The following HS6ST3 variants were observed in gnomAD, a reference collection of about 807,000 sequenced individuals.
HS6ST3 encodes heparan-sulfate 6-O-sulfotransferase 3.
A neutral mutation model predicts 36.7 loss-of-function variants in HS6ST3; 12 were observed. The observed-to-expected ratio is 0.33, with a 90% CI of 0.21 to 0.53. The LOEUF (loss-of-function observed/expected upper bound fraction) is 0.53. Ranked by LOEUF, HS6ST3 falls within the 20% of genes least tolerant of loss-of-function variation. HS6ST3 has a pLI of 0.95. For missense variants in HS6ST3, 584 were observed against 640.9 expected (o/e 0.91, Z 0.96); for synonymous variants, 240 against 257.5 (o/e 0.93, Z 0.65).
At chr13:96,274,050 C>A (rs1042303800) in intron 1 of HS6ST3, among the ~76,000 whole-genome samples, 11 of 147,766 alleles carry the variant, frequency 7.4e-5, no homozygotes, top group African/African-American at 2.7e-4. Flanking sequence ...TTATTTGATT[C>A]TTTCTTTCTT....
rs1594808763 is a variant in HS6ST3, at chr13:96,568,566, A to G, written c.708-263924A>G. Among the ~76,000 whole-genome samples the G allele has an allele frequency of 5.3e-5, 8 of 152,182 alleles. 1 individual carries two copies. The highest frequency in any genetic ancestry group is 4.6e-4 in the Admixed American group (7 of 15,282). ...GCCACCACGCCTGGCCAGCTCTCTGAATCTTTACATTCAAGTGTCTATATA... is the reference window on the plus strand; with the variant it reads ...GCCACCACGCCTGGCCAGCTCTCTGGATCTTTACATTCAAGTGTCTATATA... On this transcript the variant is annotated intron_variant, in intron 1 of 1. Coordinates refer to ENST00000376705, the MANE Select transcript of HS6ST3 (RefSeq NM_153456.4).
At chr13:96,560,638 C>T (rs1291633784) in intron 1 of HS6ST3, among the ~76,000 whole-genome samples, 1 of 152,094 alleles carries the variant, frequency 6.6e-6, no homozygotes, top group Admixed American at 6.5e-5. Context: ...GAAGAATCTG[C>T]CAAAAGGCTC....
chr13:96,811,307 G>A (rs74110222), intron 1 of HS6ST3, among the ~76,000 whole-genome samples: 1 of 152,136 alleles, frequency 6.6e-6, no homozygotes, highest in African/African-American at 2.4e-5. Flanking sequence ...ATTTTTAAAG[G>A]GCTTTTCGAC....
intron 1 of HS6ST3, among the ~76,000 whole-genome samples, chr13:96,134,423 T>C: frequency 6.6e-6 from 1 of 152,006 alleles, no homozygotes; most frequent in East Asian, 1.9e-4. Context: ...TCATTTTCTG[T>C]ATTTAATATT....
At chr13:96,431,894 A>G (rs1419325705) in intron 1 of HS6ST3, among the ~76,000 whole-genome samples, 3 of 152,194 alleles carry the variant, frequency 2.0e-5, no homozygotes. Flanking sequence ...GTCATAACTC[A>G]GTGGTCTATA....
chr13:96,769,536 A>G (rs1303113664), intron 1 of HS6ST3, among the ~76,000 whole-genome samples: 1 of 150,020 alleles, frequency 6.7e-6, no homozygotes, highest in Non-Finnish European at 1.5e-5. Flanking sequence ...TGCTAGGAAA[A>G]GAGTATTGCT....
chr13:96,148,957 C>T (rs2054070787), intron 1 of HS6ST3, among the ~76,000 whole-genome samples: 1 of 152,132 alleles, frequency 6.6e-6, no homozygotes, highest in Non-Finnish European at 1.5e-5. Flanking sequence ...TGAGAAAACA[C>T]ATCCTGTTTA....
chr13:96,518,858 A>G (rs1476446639), intron 1 of HS6ST3, among the ~76,000 whole-genome samples: 1 of 152,190 alleles, frequency 6.6e-6, no homozygotes, highest in East Asian at 1.9e-4. Flanking sequence ...GTCATTTTGT[A>G]GTTTCTGAGT....
intron 1 of HS6ST3, among the ~76,000 whole-genome samples, chr13:96,151,362 C>T (rs376343467): frequency 6.6e-6 from 1 of 150,818 alleles, no homozygotes; most frequent in Non-Finnish European, 1.5e-5. Flanking sequence ...TGAGATCCCG[C>T]GACTGCACTC....
intron 1 of HS6ST3, among the ~76,000 whole-genome samples, chr13:96,131,871 A>G (rs951812472): frequency 6.6e-6 from 1 of 151,996 alleles, no homozygotes; most frequent in Admixed American, 6.6e-5. Context: ...AATTGTTAGG[A>G]AGTTTTCACT....
intron 1 of HS6ST3, among the ~76,000 whole-genome samples, chr13:96,142,819 C>A (rs1451082869): frequency 1.3e-5 from 2 of 151,940 alleles, no homozygotes; most frequent in African/African-American, 4.8e-5. Flanking sequence ...CTTCACAAAT[C>A]CTTCTACTTA....
chr13:96,661,588 A>C (rs2056646564), intron 1 of HS6ST3, among the ~76,000 whole-genome samples: 1 of 152,078 alleles, frequency 6.6e-6, no homozygotes, highest in Admixed American at 6.6e-5. Flanking sequence ...GCATTAGTTC[A>C]TTTATCTTCA....
At chr13:96,553,621 C>A (rs895801903) in intron 1 of HS6ST3, among the ~76,000 whole-genome samples, 1 of 152,180 alleles carries the variant, frequency 6.6e-6, no homozygotes, top group African/African-American at 2.4e-5. Flanking sequence ...GACAAGGAGA[C>A]AAGGTTGGAA....
At chr13:96,462,675 G>A (rs1424753692) in intron 1 of HS6ST3, among the ~76,000 whole-genome samples, 1 of 152,168 alleles carries the variant, frequency 6.6e-6, no homozygotes, top group Non-Finnish European at 1.5e-5. Context: ...AACTGTCATT[G>A]TTTAAAGGTT....
chr13:96,225,642 A>C (rs1030947945), intron 1 of HS6ST3, among the ~76,000 whole-genome samples: 1 of 152,096 alleles, frequency 6.6e-6, no homozygotes, highest in Non-Finnish European at 1.5e-5. Context: ...TATTTTAATA[A>C]CTTTACTTTT....
chr13:96,394,765 C>T (rs150161351), intron 1 of HS6ST3, among the ~76,000 whole-genome samples: 104 of 152,172 alleles, frequency 6.8e-4, no homozygotes, highest in African/African-American at 2.4e-3. Context: ...TGATACAGAA[C>T]GGTGTAAGAA....
chr13:96,774,372 A>T (rs1877340515), intron 1 of HS6ST3, among the ~76,000 whole-genome samples: 1 of 152,148 alleles, frequency 6.6e-6, no homozygotes, highest in Admixed American at 6.5e-5. Context: ...GTGGGTAATA[A>T]CAAACTCCTC....
chr13:96,831,960 A>AAAAAAAAAAAAC (rs1566464265), intron 1 of HS6ST3, among the ~76,000 whole-genome samples: 1 of 141,780 alleles, frequency 7.1e-6, no homozygotes, highest in Non-Finnish European at 1.5e-5. Context: ...CTCTCAAAAA[A>AAAAAAAAAAAAC]AAAAAAAAAA....
chr13:96,234,740 C>T (rs1287676060), intron 1 of HS6ST3, among the ~76,000 whole-genome samples: 2 of 152,080 alleles, frequency 1.3e-5, no homozygotes, highest in East Asian at 3.9e-4. Context: ...ATGGGAGCTA[C>T]AATTCAAGAT....
Sources: allele counts gnomAD v4.1 joint callset (sites outside exome capture counted in the v4.1 genomes callset), GRCh38; gene constraint gnomAD v4.1.1; transcripts MANE v1.5; gene names NCBI Gene and HGNC (gene_info 2026-07-23, HGNC 2026-07-21).